SUCO: variants seen among roughly 807,000 people sequenced by gnomAD.
SUCO encodes the protein SUN domain containing ossification factor, also known as SUN domain-containing ossification factor.
SUCO carries 57 observed loss-of-function variants against 148.1 expected under a neutral mutation model. The ratio of observed to expected loss-of-function variants is 0.38; its 90% CI spans 0.31 to 0.48. The LOEUF is 0.48. Ranked by LOEUF, SUCO falls within the 20% of genes least tolerant of loss-of-function variation. SUCO has a pLI of 0.96. For missense variants in SUCO, 1,331 were observed against 1,468.2 expected, an observed-to-expected ratio of 0.91 and a Z score of 1.53; for synonymous variants, 470 against 502.7, an observed-to-expected ratio of 0.93 and a Z score of 0.87.
At chr1:172,599,346 G>A (rs558051714) in intron 19 of SUCO, 1 of 496,572 alleles carries the variant, frequency 2.0e-6, no homozygotes, top group Non-Finnish European at 2.6e-6. Flanking sequence ...AATAAAAGTT[G>A]AAATTTTCAG....
chr1:172,548,233 T>C (rs1653007999), intron 1 of SUCO, among the ~76,000 whole-genome samples: 1 of 151,758 alleles, frequency 6.6e-6, no homozygotes, highest in African/African-American at 2.4e-5. Flanking sequence ...ATATATAGTT[T>C]ATAATATTTT....
chr1:172,608,539 T>C, intron 22 of SUCO: 2 of 568,242 alleles, frequency 3.5e-6, no homozygotes, highest in East Asian at 3.1e-5. Flanking sequence ...CAGTCAAGCA[T>C]AGGAATCATA....
At position 172,533,219 on chromosome 1, in the gene SUCO, G is replaced by A. The variant is rs1261185170; in HGVS notation, c.-217G>A. 6.5e-7 allele frequency: 1 copy of A among 1,534,900 alleles called. No homozygotes were observed. The highest frequency in any genetic ancestry group is 8.8e-7 in the Non-Finnish European group (1 of 1,140,368). ...GGTGGCTGCAGCGGCGGCGGTCCCC[G>A]GAGTCCTGTGAAGCGCCCCTGTCCG... On this transcript the variant is annotated 5_prime_UTR_variant, in exon 1 of 24. Transcript: ENST00000263688.
chr1:172,592,414 A>G (rs1656740412), intron 19 of SUCO, among the ~76,000 whole-genome samples: 1 of 152,124 alleles, frequency 6.6e-6, no homozygotes, highest in Admixed American at 6.5e-5. Context: ...TTTTAGGTCT[A>G]ACATTTAAGT....
At chr1:172,609,118 C>A in intron 23 of SUCO, 1 of 521,310 alleles carries the variant, frequency 1.9e-6, no homozygotes, top group Non-Finnish European at 2.5e-6. Flanking sequence ...TTTGTTGATC[C>A]TTGGATGATT....
rs150443228 is a variant in SUCO, at chr1:172,572,388, C to T, written c.1050-1503C>T. On this transcript the variant is annotated intron_variant, in intron 9 of 23. Coordinates refer to ENST00000263688, the MANE Select transcript of SUCO (RefSeq NM_014283.5). ...TCTTCTGCCTTGTGATCCTGTTGATCGGTGACCCTACCCCCAACCCTGTGC... is the reference window on the plus strand; with the variant it reads ...TCTTCTGCCTTGTGATCCTGTTGATTGGTGACCCTACCCCCAACCCTGTGC... Among the ~76,000 whole-genome samples, 934 of 152,014 alleles carry T rather than the reference C, an allele frequency of 6.1e-3. 14 individuals are homozygous for T. Among genetic ancestry groups the T allele is most frequent in the African/African-American group, 0.021 (886 of 41,494 alleles).
intron 13 of SUCO, 136 bp downstream of exon 13, chr1:172,577,955 T>G (rs1340423541): frequency 3.2e-6 from 2 of 625,876 alleles, no homozygotes; most frequent in Non-Finnish European, 5.2e-6. Context: ...AAACCTTTCT[T>G]TTGAATGCAT....
intron 22 of SUCO, chr1:172,603,087 A>T (rs1657638148): frequency 1.6e-5 from 4 of 255,040 alleles, no homozygotes; most frequent in African/African-American, 2.3e-5. Flanking sequence ...AGTTCAACAG[A>T]TATGGAAAAC....
intron 9 of SUCO, among the ~76,000 whole-genome samples, chr1:172,572,696 T>TAAAAAAA (rs61248782): frequency 0.014 from 714 of 49,374 alleles, no homozygotes; most frequent in East Asian, 0.025. Flanking sequence ...GAATGATCAA[T>TAAAAAAA]AAAAAAAAAA....
rs1280885510 is a variant in SUCO at position 172,585,723 on chromosome 1, T to G, written c.1568-135T>G. The G allele has an allele frequency of 6.4e-6, 4 of 623,916 alleles. No homozygotes were observed. The Admixed American group carries it at 8.3e-5, about 13-fold the overall frequency. The allele number at this position is 623,916 out of a possible 1,614,324, so 38.6% of individuals were successfully genotyped here. A position where few individuals can be genotyped will look rare whatever the true frequency, so the allele number is the denominator to read the frequency against. The stretch of plus-strand genomic sequence containing the variant: ...TCATTTCTTCCTAAAAGAACTTTGA[T>G]TTTTTAAGAAAAAGTCTGCAGTAGC... On this transcript the variant is annotated intron_variant, in intron 16 of 23. Coordinates refer to ENST00000263688, the MANE Select transcript of SUCO (RefSeq NM_014283.5).
At chr1:172,583,162 T>G (rs1213186782) in intron 15 of SUCO, among the ~76,000 whole-genome samples, 1 of 152,108 alleles carries the variant, frequency 6.6e-6, no homozygotes, top group Non-Finnish European at 1.5e-5. Flanking sequence ...TATGAGGAAA[T>G]AACAGTTTCC....
In SUCO at chr1:172,573,914, C is replaced by A; in HGVS notation, c.1073C>A (p.Pro358Gln). The A allele has an allele frequency of 6.3e-7, 1 of 1,592,134 alleles. No homozygotes were observed. Among genetic ancestry groups the A allele is most frequent in the Non-Finnish European group, 8.6e-7 (1 of 1,164,496 alleles). ...AGGTTTGTTATTGAACTTTGTGAAC[C>A]AATTCAAGTAAAACAGCTTGATATT... The part of the protein sequence containing the change: ...KIWFVIELCE[P>Q]IQVKQLDIAN... Residue 358 changes from proline (P) to glutamine (Q), a missense_variant, in exon 10 of 24, where the codon CCA (proline) becomes CAA (glutamine). This residue lies in a region of SUCO where 992 missense variants were observed against 1,093.5 expected (regional missense o/e 0.91). Transcript: ENST00000263688.
chr1:172,580,942 AAAT>A lies in SUCO; in HGVS notation c.1498+1677_1498+1679del, dbSNP rs532867651. ...CATGGTGAAACCCCATCTCTACTAA[AAAT>A]ACAAAAATTAGCCAAGCATGGTGCG... On this transcript the variant is annotated intron_variant, in intron 15 of 23. Coordinates refer to ENST00000263688, the MANE Select transcript of SUCO (RefSeq NM_014283.5). 7.9e-4 allele frequency among the ~76,000 whole-genome samples: 85 copies of A among 107,998 alleles called. 1 individual carries two copies. In the South Asian group the frequency reaches 0.03, roughly 38 times the overall value. The allele number at this position is 107,998 out of a possible 152,430, so 70.9% of individuals were successfully genotyped here.
At chr1:172,535,724 G>A (rs1651963368) in intron 1 of SUCO, among the ~76,000 whole-genome samples, 1 of 152,090 alleles carries the variant, frequency 6.6e-6, no homozygotes, top group Non-Finnish European at 1.5e-5. Context: ...TTTGTGATCC[G>A]TTTCTGTTTT....
chr1:172,536,511 A>G (rs1652030085), intron 1 of SUCO, among the ~76,000 whole-genome samples: 1 of 152,162 alleles, frequency 6.6e-6, no homozygotes, highest in Non-Finnish European at 1.5e-5. Context: ...TCTCATACCT[A>G]CTGTGCCAGA....
At chr1:172,562,341 T>TTA (rs1553272545) in intron 6 of SUCO, among the ~76,000 whole-genome samples, 2 of 151,338 alleles carry the variant, frequency 1.3e-5, no homozygotes, top group African/African-American at 2.4e-5. Context: ...TTTTTTTTTT[T>TTA]TTTTTTATTT....
intron 22 of SUCO, among the ~76,000 whole-genome samples, chr1:172,606,313 A>G (rs1657865799): frequency 6.6e-6 from 1 of 150,998 alleles, no homozygotes; most frequent in African/African-American, 2.4e-5. Context: ...TGCTTTCATT[A>G]AGATTTTTTA....
chr1:172,591,103 T>C, intron 19 of SUCO, 32 bp downstream of exon 19: 1 of 1,527,812 alleles, frequency 6.5e-7, no homozygotes, highest in Non-Finnish European at 9.0e-7. Flanking sequence ...TTACTTTTTA[T>C]ATAAATTTCC....
chr1:172,602,644 T>G, intron 21 of SUCO, 52 bp from the exon 22 acceptor site: 1 of 1,595,642 alleles, frequency 6.3e-7, no homozygotes, highest in East Asian at 2.2e-5. Context: ...AAAGAGTAAA[T>G]TATATGTGCT....
Sources: gnomAD v4.1 joint callset for allele counts (sites outside exome capture counted in the v4.1 genomes callset) on GRCh38, gnomAD v4.1.1 for gene constraint, gnomAD v4.1.1 regional missense constraint, MANE v1.5 for transcripts, NCBI Gene and HGNC (gene_info 2026-07-23, HGNC 2026-07-21) for gene names.